F2RL1: variants seen among roughly 807,000 people sequenced by gnomAD.
The protein encoded by F2RL1 is F2R like trypsin receptor 1.
A neutral mutation model predicts 21.7 loss-of-function variants in F2RL1; 16 were observed. The ratio of observed to expected loss-of-function variants is 0.74; its 90% CI spans 0.50 to 1.12. The LOEUF (loss-of-function observed/expected upper bound fraction) is 1.12. F2RL1 is among the 50% of genes most tolerant of loss of function. The probability of loss-of-function intolerance (pLI) is 0.00; values close to 1 mark genes in which losing one functional copy is unlikely to be tolerated. For missense variants in F2RL1, 432 were observed against 477.8 expected (o/e 0.90, Z 0.89); for synonymous variants, 181 against 186.7 (o/e 0.97, Z 0.25).
chr5:76,827,600 CTTTTTTTTTT>C (rs70982643), intron 1 of F2RL1, among the ~76,000 whole-genome samples: 1 of 104,988 alleles, frequency 9.5e-6, no homozygotes, highest in Admixed American at 1.2e-4. Context: ...CATATAGTAA[CTTTTTTTTTT>C]TTTTTTTTTT....
rs555482246 is a variant in F2RL1, at chr5:76,833,316, G to A, written c.709G>A (p.Gly237Arg). The A allele has an allele frequency of 7.8e-5, 126 of 1,613,794 alleles. 2 individuals carry two copies. The South Asian group carries it at 1.3e-3, about 17-fold the overall frequency. ...HDVLPEQLLV[G>R]DMFNYFLSLA... ...TGTTTTGCCTGAGCAGCTCTTGGTG[G>A]GAGACATGTTCAATTACTTCCTCTC... is the stretch of plus-strand genomic sequence containing the variant. The change falls in exon 2 of 2, where the codon GGA becomes AGA. Residue 237 changes from glycine (G) to arginine (R), a missense_variant. Transcript: ENST00000296677.
In F2RL1 at chr5:76,832,787, T is replaced by C. The variant is rs1750373053; in HGVS notation, c.180T>C (p.Ser60=). ...GKGVTVETVF[S]VDEFSASVLT... ...GAGTTACAGTTGAAACAGTCTTTTC[T>C]GTGGATGAGTTTTCTGCATCTGTCC... Residue 60 remains serine (S), a synonymous_variant, in exon 2 of 2, where the codon TCT becomes TCC. Transcript: ENST00000296677. 1 of 1,614,276 alleles carries C rather than the reference T, an allele frequency of 6.2e-7. No individual in the cohort carries two copies. Among genetic ancestry groups the C allele is most frequent in the South Asian group, 1.1e-5 (1 of 91,086 alleles).
intron 1 of F2RL1, among the ~76,000 whole-genome samples, chr5:76,828,495 TTTTTTTA>T (rs1457658101): frequency 2.0e-5 from 2 of 101,506 alleles, no homozygotes; most frequent in African/African-American, 7.8e-5. Flanking sequence ...CTTTTTTTTT[TTTTTTTA>T]ATATAGAGAC....
chr5:76,833,102 C>A lies in F2RL1; in HGVS notation c.495C>A (p.Phe165Leu). The change falls in exon 2 of 2, where the codon TTC becomes TTA. Residue 165 changes from phenylalanine (F) to leucine (L), a missense_variant. Coordinates refer to ENST00000296677, the MANE Select transcript of F2RL1 (RefSeq NM_005242.6). The stretch of plus-strand genomic sequence containing the variant: ...GCAACATGTACTGTTCCATTCTCTT[C>A]ATGACCTGCCTCAGTGTGCAGAGGT... ...FYGNMYCSILFMTCLSVQRYW... is the reference protein window; with the variant it reads ...FYGNMYCSILLMTCLSVQRYW... 6.2e-7 allele frequency: 1 copy of A among 1,614,230 alleles called. No individual in the cohort carries two copies.
At chr5:76,821,070 G>A (rs1750123470) in intron 1 of F2RL1, among the ~76,000 whole-genome samples, 3 of 152,186 alleles carry the variant, frequency 2.0e-5, no homozygotes, top group African/African-American at 7.2e-5. Context: ...TCAGGTGGCT[G>A]CAGGGCCGAT....
chr5:76,824,150 C>T (rs1219765217), intron 1 of F2RL1, among the ~76,000 whole-genome samples: 2 of 134,710 alleles, frequency 1.5e-5, no homozygotes, highest in Admixed American at 1.6e-4. Context: ...AACTAGTCCT[C>T]CCCACCACAC....
At position 76,833,403 on chromosome 5, in the gene F2RL1, A is replaced by C. The variant is rs757427930; in HGVS notation, c.796A>C (p.Ile266Leu). ...CACAGCCTCTGCCTATGTGCTGATG[A>C]TCAGAATGCTGCGATCTTCTGCCAT... is the stretch of plus-strand genomic sequence containing the variant. ...FLTASAYVLM[I>L]RMLRSSAMDE... Residue 266 changes from isoleucine to leucine, a missense_variant, in exon 2 of 2, where the codon ATC becomes CTC. Physicochemically the swap from Ile to Leu is conservative, Grantham distance 5 (BLOSUM62 2). Coordinates refer to ENST00000296677, the MANE Select transcript of F2RL1 (RefSeq NM_005242.6). The C allele has an allele frequency of 1.9e-6, 3 of 1,613,800 alleles. No homozygotes were observed. Among genetic ancestry groups the C allele is most frequent in the Non-Finnish European group, 2.5e-6 (3 of 1,180,010 alleles).
At chr5:76,826,902 G>A (rs1393023279) in intron 1 of F2RL1, among the ~76,000 whole-genome samples, 1 of 151,256 alleles carries the variant, frequency 6.6e-6, no homozygotes, top group Admixed American at 6.6e-5. Context: ...GTCCTGCTCT[G>A]TTGCCCAGGC....
At position 76,834,922 on chromosome 5, in the gene F2RL1, T is replaced by G. The variant is rs1009635373; in HGVS notation, c.*1121T>G. ...TTGAATTATTTCTTTATTAACCCTC[T>G]GAGTTTTTGTATGTATTATTATTAA... On this transcript the variant is annotated 3_prime_UTR_variant, in exon 2 of 2. Transcript: ENST00000296677. 17 of 152,388 alleles carry G rather than the reference T, an allele frequency of 1.1e-4. No homozygotes were observed. The highest frequency in any genetic ancestry group is 2.6e-4 in the Admixed American group (4 of 15,290). The allele number at this position is 152,388 out of a possible 1,614,324, so 9.4% of individuals were successfully genotyped here. A position where few individuals can be genotyped will look rare whatever the true frequency, so the allele number is the denominator to read the frequency against.
chr5:76,825,359 T>C (rs1332848284), intron 1 of F2RL1, among the ~76,000 whole-genome samples: 1 of 152,180 alleles, frequency 6.6e-6, no homozygotes, highest in Admixed American at 6.5e-5. Flanking sequence ...TTCAATATTA[T>C]TGGCTACTAT....
chr5:76,833,496 C>T lies in F2RL1; in HGVS notation c.889C>T (p.Leu297=), dbSNP rs1161382692. ...KLIVTVLAMY[L]ICFTPSNLLL... ...CATTGTCACTGTCCTGGCCATGTAC[C>T]TGATCTGCTTCACTCCTAGTAACCT... The change falls in exon 2 of 2, where the codon CTG becomes TTG. Residue 297 remains leucine (L), a synonymous_variant. Coordinates refer to ENST00000296677, the MANE Select transcript of F2RL1 (RefSeq NM_005242.6). 6.2e-6 allele frequency: 10 copies of T among 1,613,818 alleles called. No individual in the cohort carries two copies. Among genetic ancestry groups the T allele is most frequent in the Non-Finnish European group, 8.5e-6 (10 of 1,180,008 alleles).
At chr5:76,819,485 G>T (rs903052150) in intron 1 of F2RL1, among the ~76,000 whole-genome samples, 3 of 152,118 alleles carry the variant, frequency 2.0e-5, no homozygotes, top group Admixed American at 2.0e-4. Flanking sequence ...CAGCGGAGCC[G>T]GGCAGAGGCA....
chr5:76,820,576 C>T (rs1340468808), intron 1 of F2RL1, among the ~76,000 whole-genome samples: 1 of 152,070 alleles, frequency 6.6e-6, no homozygotes, highest in East Asian at 1.9e-4. Flanking sequence ...GGACACCTCT[C>T]CTCTATGTCC....
intron 1 of F2RL1, 30 bp downstream of exon 1, chr5:76,819,294 T>A (rs1023670537): frequency 6.4e-7 from 1 of 1,561,360 alleles, no homozygotes. Context: ...AGGGCTCTTA[T>A]CTCTGAGGAG....
intron 1 of F2RL1, among the ~76,000 whole-genome samples, chr5:76,824,530 T>C (rs749899382): frequency 1.3e-5 from 2 of 152,054 alleles, no homozygotes; most frequent in East Asian, 3.9e-4. Context: ...GGTTTCACCA[T>C]GTTGGCCACG....
At chr5:76,820,043 C>T (rs995729681) in intron 1 of F2RL1, among the ~76,000 whole-genome samples, 7 of 152,184 alleles carry the variant, frequency 4.6e-5, no homozygotes, top group African/African-American at 1.7e-4. Context: ...CCTGGGGTTC[C>T]GGGACTTTCC....
intron 1 of F2RL1, among the ~76,000 whole-genome samples, chr5:76,823,088 G>A (rs963347309): frequency 2.0e-5 from 3 of 151,982 alleles, no homozygotes; most frequent in African/African-American, 7.3e-5. Context: ...AAATTAGCCG[G>A]GCATGGTGGC....
intron 1 of F2RL1, among the ~76,000 whole-genome samples, chr5:76,824,574 G>A (rs569904423): frequency 9.7e-4 from 147 of 151,946 alleles, no homozygotes; most frequent in Non-Finnish European, 1.9e-3. Flanking sequence ...TGATCCGCCC[G>A]CCTTAGCCTC....
intron 1 of F2RL1, among the ~76,000 whole-genome samples, chr5:76,820,328 A>G (rs1236783987): frequency 6.6e-6 from 1 of 152,102 alleles, no homozygotes; most frequent in Non-Finnish European, 1.5e-5. Context: ...GGAGCTTTTA[A>G]TTTCCCTCAG....
Sources: allele counts gnomAD v4.1 joint callset (sites outside exome capture counted in the v4.1 genomes callset), GRCh38; gene constraint gnomAD v4.1.1; transcripts MANE v1.5; gene names NCBI Gene and HGNC (gene_info 2026-07-23, HGNC 2026-07-21).